RBFOX1: variants seen among roughly 807,000 people sequenced by gnomAD.
The protein encoded by RBFOX1 is RNA binding protein fox-1 homolog 1.
A neutral mutation model predicts 57.7 loss-of-function variants in RBFOX1; 8 were observed. The ratio of observed to expected loss-of-function variants is 0.14; its 90% CI spans 0.08 to 0.25. RBFOX1 has a LOEUF of 0.25. Ranked by LOEUF, RBFOX1 falls within the 10% of genes least tolerant of loss-of-function variation. RBFOX1 has a pLI of 1.00. For missense variants in RBFOX1, 611 were observed against 548.5 expected (o/e 1.11, Z -1.14); for synonymous variants, 326 against 222.4 (o/e 1.47, Z -4.15).
intron 3 of RBFOX1, among the ~76,000 whole-genome samples, chr16:6,802,434 T>G (rs1567310398): frequency 6.6e-6 from 1 of 152,190 alleles, no homozygotes; most frequent in African/African-American, 2.4e-5. Flanking sequence ...TCCAGCACTT[T>G]GGGAGGCCGA....
intron 2 of RBFOX1, among the ~76,000 whole-genome samples, chr16:6,443,456 T>C (rs1280292584): frequency 2.0e-5 from 3 of 152,188 alleles, no homozygotes; most frequent in African/African-American, 7.2e-5. Flanking sequence ...TGATTTCTCC[T>C]TGTGAAGCAT....
intron 2 of RBFOX1, among the ~76,000 whole-genome samples, chr16:6,557,051 A>C (rs1055506649): frequency 6.8e-6 from 1 of 147,190 alleles, no homozygotes; most frequent in Admixed American, 6.9e-5. Flanking sequence ...ATATACATAT[A>C]TATACATATA....
At chr16:5,420,801 C>T (rs1242686813) in intron 1 of RBFOX1, among the ~76,000 whole-genome samples, 1 of 151,852 alleles carries the variant, frequency 6.6e-6, no homozygotes, top group African/African-American at 2.4e-5. Flanking sequence ...CTCCCAAAGT[C>T]CTGGGATTCC....
intron 4 of RBFOX1, among the ~76,000 whole-genome samples, chr16:7,117,837 C>G (rs889872493): frequency 5.3e-5 from 8 of 152,172 alleles, no homozygotes; most frequent in Non-Finnish European, 1.0e-4. Flanking sequence ...TGCTTTCAAG[C>G]TCCCTCAGGT....
At chr16:7,685,050 T>C (rs957100181) in intron 14 of RBFOX1, among the ~76,000 whole-genome samples, 10 of 152,030 alleles carry the variant, frequency 6.6e-5, no homozygotes, top group Non-Finnish European at 8.8e-5. Flanking sequence ...ACCAACACCA[T>C]TGGGCTCACC....
At chr16:6,845,806 T>A (rs909425069) in intron 3 of RBFOX1, among the ~76,000 whole-genome samples, 6 of 152,212 alleles carry the variant, frequency 3.9e-5, no homozygotes, top group South Asian at 4.1e-4. Flanking sequence ...TTTCATATTT[T>A]AGAGACTTTG....
intron 2 of RBFOX1, among the ~76,000 whole-genome samples, chr16:6,513,692 C>A (rs1421294432): frequency 2.6e-5 from 4 of 152,232 alleles, no homozygotes; most frequent in Non-Finnish European, 4.4e-5. Context: ...CGAAATCGCA[C>A]CATTGCACTC....
At chr16:5,602,575 T>A (rs1215811548), downstream of RBFOX1, among the ~76,000 whole-genome samples, 1 of 152,238 alleles carries the variant, frequency 6.6e-6, no homozygotes, top group Non-Finnish European at 1.5e-5. Flanking sequence ...TCCAATTGTG[T>A]GCAAACTGTA....
intron 4 of RBFOX1, among the ~76,000 whole-genome samples, chr16:7,358,004 G>T (rs1399388626): frequency 6.6e-6 from 1 of 152,284 alleles, no homozygotes; most frequent in Admixed American, 6.5e-5. Context: ...TATCTTCCAT[G>T]TGGGCTAATG....
chr16:6,096,389 C>T (rs191934064), intron 1 of RBFOX1, among the ~76,000 whole-genome samples: 32 of 152,262 alleles, frequency 2.1e-4, no homozygotes, highest in African/African-American at 6.0e-4. Flanking sequence ...TGTTTGCTCT[C>T]GACATTTATT....
At chr16:5,645,279 A>C (rs2049015474) in intron 3 of RBFOX1, among the ~76,000 whole-genome samples, 1 of 151,210 alleles carries the variant, frequency 6.6e-6, no homozygotes, top group Non-Finnish European at 1.5e-5. Flanking sequence ...CAAAAACAAA[A>C]AAAAAAACAT....
At chr16:7,039,924 C>T (rs1037153213) in intron 3 of RBFOX1, among the ~76,000 whole-genome samples, 3 of 151,982 alleles carry the variant, frequency 2.0e-5, no homozygotes, top group Non-Finnish European at 4.4e-5. Flanking sequence ...TACTTATGTC[C>T]CTGCAGAATT....
At chr16:7,382,060 T>A (rs761345462) in intron 4 of RBFOX1, among the ~76,000 whole-genome samples, 14 of 152,376 alleles carry the variant, frequency 9.2e-5, no homozygotes, top group Non-Finnish European at 1.9e-4. Flanking sequence ...ATAAATCAGT[T>A]GGAAGTTGGT....
intron 2 of RBFOX1, among the ~76,000 whole-genome samples, chr16:6,414,796 C>T (rs2093574950): frequency 6.6e-6 from 1 of 152,156 alleles, no homozygotes; most frequent in Non-Finnish European, 1.5e-5. Flanking sequence ...TTGGCAATGT[C>T]TGTCTTGAGA....
At chr16:6,628,317 G>C (rs1014712322) in intron 2 of RBFOX1, among the ~76,000 whole-genome samples, 1 of 152,090 alleles carries the variant, frequency 6.6e-6, no homozygotes, top group Non-Finnish European at 1.5e-5. Context: ...GAAAACTACC[G>C]GTATCTTCCT....
chr16:7,279,714 G>C (rs1451369079), intron 4 of RBFOX1, among the ~76,000 whole-genome samples: 1 of 152,234 alleles, frequency 6.6e-6, no homozygotes, highest in African/African-American at 2.4e-5. Context: ...AATGGGCGAC[G>C]TAAGCTCGCC....
chr16:6,784,857 A>T (rs1427250209), intron 3 of RBFOX1, among the ~76,000 whole-genome samples: 1 of 152,096 alleles, frequency 6.6e-6, no homozygotes, highest in Non-Finnish European at 1.5e-5. Context: ...AGAAGTTGAA[A>T]GAGTTGTATA....
chr16:6,594,358 G>C (rs1184149756), intron 2 of RBFOX1, among the ~76,000 whole-genome samples: 2 of 152,250 alleles, frequency 1.3e-5, no homozygotes, highest in South Asian at 4.2e-4. Flanking sequence ...CCAATGTTAT[G>C]AGAAAAACAA....
At chr16:6,753,558 C>T (rs2075306210) in intron 3 of RBFOX1, among the ~76,000 whole-genome samples, 1 of 152,160 alleles carries the variant, frequency 6.6e-6, no homozygotes, top group South Asian at 2.1e-4. Flanking sequence ...TTTGTTACAT[C>T]TGTCTTAATA....
Sources: gnomAD v4.1 joint callset for allele counts (sites outside exome capture counted in the v4.1 genomes callset) on GRCh38, gnomAD v4.1.1 for gene constraint, MANE v1.5 for transcripts, NCBI Gene and HGNC (gene_info 2026-07-23, HGNC 2026-07-21) for gene names.